The following CSMD1 variants were observed in gnomAD, a reference collection of about 807,000 sequenced individuals.
The protein encoded by CSMD1 is CUB and Sushi multiple domains 1.
In CSMD1, 213 loss-of-function variants were observed where a neutral mutation model predicts 417.5. The observed-to-expected ratio is 0.51, with a 90% CI of 0.46 to 0.57. The LOEUF is 0.57. Among genes scored for constraint, CSMD1 ranks in the 20% least tolerant of loss-of-function variants. The pLI, the probability that CSMD1 is intolerant of heterozygous loss-of-function variation, is 0.00. For synonymous variants in CSMD1, 2,862 were observed against 1,736.8 expected, an observed-to-expected ratio of 1.65 and a Z score of -16.11; for missense variants, 6,923 against 4,529.7, an observed-to-expected ratio of 1.53 and a Z score of -15.17.
chr8:3,324,951 T>C (rs529457215), intron 23 of CSMD1, among the ~76,000 whole-genome samples: 1 of 152,314 alleles, frequency 6.6e-6, no homozygotes. Context: ...CATATCAGTG[T>C]TTTCTGAAAT....
At chr8:3,768,556 T>C (rs1798408249) in intron 5 of CSMD1, among the ~76,000 whole-genome samples, 1 of 152,200 alleles carries the variant, frequency 6.6e-6, no homozygotes, top group South Asian at 2.1e-4. Context: ...GCTCAGACAC[T>C]GCTAAACAGA....
intron 5 of CSMD1, among the ~76,000 whole-genome samples, chr8:3,913,735 A>T (rs1253379146): frequency 6.6e-6 from 1 of 152,086 alleles, no homozygotes; most frequent in African/African-American, 2.4e-5. Context: ...AGGAGTGGGG[A>T]AGGAATGTGG....
At chr8:3,802,395 T>A (rs1486261111) in intron 5 of CSMD1, among the ~76,000 whole-genome samples, 1 of 152,182 alleles carries the variant, frequency 6.6e-6, no homozygotes, top group African/African-American at 2.4e-5. Flanking sequence ...AGGGACAATG[T>A]TGCATCATTT....
intron 41 of CSMD1, among the ~76,000 whole-genome samples, chr8:3,125,168 T>C (rs953532983): frequency 1.4e-4 from 21 of 152,216 alleles, no homozygotes; most frequent in African/African-American, 5.1e-4. Context: ...TAAAAATAAG[T>C]CATGAAGATA....
intron 8 of CSMD1, among the ~76,000 whole-genome samples, chr8:3,587,602 TC>T (rs936349841): frequency 2.0e-5 from 3 of 151,822 alleles, no homozygotes; most frequent in African/African-American, 7.3e-5. Flanking sequence ...CGCACCAGCA[TC>T]CCCCACGGCA....
chr8:4,323,518 G>A (rs1325394985), intron 3 of CSMD1, among the ~76,000 whole-genome samples: 1 of 151,990 alleles, frequency 6.6e-6, no homozygotes, highest in Non-Finnish European at 1.5e-5. Flanking sequence ...AATGTTGCCT[G>A]GCATAAGGAT....
intron 3 of CSMD1, among the ~76,000 whole-genome samples, chr8:4,247,915 T>C (rs1031073063): frequency 2.6e-5 from 4 of 152,180 alleles, no homozygotes; most frequent in Admixed American, 2.6e-4. Context: ...CAGATATTAA[T>C]GTGATGTAGG....
At chr8:4,732,886 C>T (rs1407928966) in intron 1 of CSMD1, among the ~76,000 whole-genome samples, 1 of 152,054 alleles carries the variant, frequency 6.6e-6, no homozygotes. Context: ...TTATATGGGC[C>T]CTAAAACATG....
intron 1 of CSMD1, among the ~76,000 whole-genome samples, chr8:4,679,290 C>T (rs1023550512): frequency 6.6e-6 from 1 of 152,178 alleles, no homozygotes; most frequent in Non-Finnish European, 1.5e-5. Flanking sequence ...TGACCTTACT[C>T]TGCAGATGCA....
intron 7 of CSMD1, among the ~76,000 whole-genome samples, chr8:3,652,579 G>A (rs1351633563): frequency 2.0e-5 from 3 of 152,172 alleles, no homozygotes; most frequent in African/African-American, 7.2e-5. Flanking sequence ...AGAAGCAAAG[G>A]CATGTCGTAC....
intron 7 of CSMD1, among the ~76,000 whole-genome samples, chr8:3,690,062 C>T (rs1337417934): frequency 6.6e-6 from 1 of 152,172 alleles, no homozygotes; most frequent in Non-Finnish European, 1.5e-5. Flanking sequence ...TAAATGTAAT[C>T]CAAACATTGA....
chr8:3,078,549 A>C (rs1813854503), intron 49 of CSMD1, among the ~76,000 whole-genome samples: 1 of 152,244 alleles, frequency 6.6e-6, no homozygotes, highest in African/African-American at 2.4e-5. Flanking sequence ...CTGGGTTGGC[A>C]GACTATGGCC....
chr8:3,435,530 G>C (rs573097969), intron 12 of CSMD1, among the ~76,000 whole-genome samples: 87 of 152,028 alleles, frequency 5.7e-4, no homozygotes, highest in African/African-American at 2.0e-3. Context: ...TCTCCACTCT[G>C]TCCACCTCTC....
chr8:4,978,587 C>A (rs1810698285), intron 1 of CSMD1, among the ~76,000 whole-genome samples: 1 of 152,118 alleles, frequency 6.6e-6, no homozygotes, highest in South Asian at 2.1e-4. Context: ...GAATTCACAC[C>A]ATTTAAAACA....
intron 2 of CSMD1, among the ~76,000 whole-genome samples, chr8:4,438,546 T>C (rs1048136545): frequency 6.6e-6 from 1 of 152,182 alleles, no homozygotes; most frequent in African/African-American, 2.4e-5. Context: ...ATGTTTTACT[T>C]TCCATCTCTA....
chr8:3,304,531 A>G (rs192687209), intron 25 of CSMD1, among the ~76,000 whole-genome samples: 3 of 152,258 alleles, frequency 2.0e-5, no homozygotes, highest in Admixed American at 2.0e-4. Context: ...TCAATTGAGG[A>G]AATTAAGGAT....
At chr8:4,905,695 C>G (rs539547850) in intron 1 of CSMD1, among the ~76,000 whole-genome samples, 2 of 151,848 alleles carry the variant, frequency 1.3e-5, no homozygotes, top group African/African-American at 2.4e-5. Flanking sequence ...TGGCGGGCGC[C>G]TGTAGTCCCA....
chr8:4,004,019 T>G (rs1211134165), intron 4 of CSMD1, among the ~76,000 whole-genome samples: 1 of 152,136 alleles, frequency 6.6e-6, no homozygotes, highest in Non-Finnish European at 1.5e-5. Flanking sequence ...AAAATTAAAA[T>G]TAATCACCAT....
rs529924889 is a variant in CSMD1 at position 3,785,222 on chromosome 8, T to C, written c.819-31180A>G. Among the ~76,000 whole-genome samples the C allele has an allele frequency of 3.9e-5, 6 of 152,306 alleles. No individual in the cohort carries two copies. In the South Asian group the frequency reaches 1.0e-3, roughly 26 times the overall value. On this transcript the variant is annotated intron_variant, in intron 5 of 69. Coordinates refer to ENST00000635120, the MANE Select transcript of CSMD1 (RefSeq NM_033225.6). Reference sequence around the variant, plus strand: ...TTAAAGAGTTGTTATGAAGAATCAATCCATCACAGTTTGTGAAATGCTCAG... The same window carrying C: ...TTAAAGAGTTGTTATGAAGAATCAACCCATCACAGTTTGTGAAATGCTCAG...
Sources: allele counts gnomAD v4.1 joint callset (sites outside exome capture counted in the v4.1 genomes callset), GRCh38; gene constraint gnomAD v4.1.1; transcripts MANE v1.5; gene names NCBI Gene and HGNC (gene_info 2026-07-23, HGNC 2026-07-21).